The following EDA variants were observed in gnomAD, a reference collection of about 807,000 sequenced individuals.
EDA encodes the protein ectodysplasin A, also known as ectodysplasin-A.
In EDA, 2 loss-of-function variants were observed where a neutral mutation model predicts 23.6. That is an observed-to-expected ratio of 0.08 (90% CI 0.03 to 0.27). EDA has a LOEUF of 0.27. Among genes scored for constraint, EDA ranks in the 10% least tolerant of loss-of-function variants. The probability of loss-of-function intolerance (pLI) is 1.00; values close to 1 mark genes in which losing one functional copy is unlikely to be tolerated. For synonymous variants in EDA, 131 were observed against 132.0 expected, an observed-to-expected ratio of 0.99 and a Z score of 0.05; for missense variants, 229 against 324.2, an observed-to-expected ratio of 0.71 and a Z score of 2.26.
chrX:69,644,230 A>G (rs1452402807), intron 1 of EDA, among the ~76,000 whole-genome samples: 1 of 110,993 alleles, frequency 9.0e-6, no homozygotes, highest in Non-Finnish European at 1.9e-5. Context: ...GATTCTTCCT[A>G]TCCATGAGCA....
In EDA at chrX:69,782,366, T is replaced by TAAAAAA. The variant is rs751293381; in HGVS notation, c.396+165683_396+165688dup. 2.6e-4 allele frequency among the ~76,000 whole-genome samples: 17 copies of TAAAAAA among 65,479 alleles called. 1 individual carries two copies. Among genetic ancestry groups the TAAAAAA allele is most frequent in the African/African-American group, 1.1e-3 (15 of 13,090 alleles). 56.9% of individuals were successfully genotyped at this position (65,479 alleles called of 115,157 possible). On this transcript the variant is annotated intron_variant, in intron 1 of 7. Transcript: ENST00000374552. ...GTAGACAAATAACATTAAATGCTCT[T>TAAAAAA]AAAAAAAAAAAAAAAAAAAAAAAAA...
At chrX:69,919,684 A>G (rs2018397994) in intron 1 of EDA, among the ~76,000 whole-genome samples, 1 of 112,324 alleles carries the variant, frequency 8.9e-6, no homozygotes, top group Non-Finnish European at 1.9e-5. Flanking sequence ...ATAAGGAATC[A>G]TATCTGAAGA....
chrX:69,889,610 CTTTAGCCAATTTTTAATTGT>C (rs1255893813), intron 1 of EDA, among the ~76,000 whole-genome samples: 4 of 111,817 alleles, frequency 3.6e-5, no homozygotes, highest in African/African-American at 1.3e-4. Context: ...TACTCAAATT[CTTTAGCCAATTTTTAATTGT>C]TTTTTGTCAT....
chrX:69,792,475 G>A lies in EDA; in HGVS notation c.397-164552G>A, dbSNP rs112715918. Among the ~76,000 whole-genome samples, 3 of 111,750 alleles carry A rather than the reference G, an allele frequency of 2.7e-5. No homozygotes were observed. In the East Asian group the frequency reaches 8.4e-4, roughly 31 times the overall value. On this transcript the variant is annotated intron_variant, in intron 1 of 7. Transcript: ENST00000374552. ...CATATAATGACTTGTTTTCCTTTGG[G>A]TATATACCCAGTAGTGGGATTGCTG...
chrX:69,651,932 G>A (rs1274892563), intron 1 of EDA, among the ~76,000 whole-genome samples: 1 of 110,581 alleles, frequency 9.0e-6, no homozygotes, highest in Non-Finnish European at 1.9e-5. Flanking sequence ...TTGGTGGTGG[G>A]AAGTGAGGTG....
chrX:69,793,573 T>TTTG (rs2015467473), intron 1 of EDA, among the ~76,000 whole-genome samples: 1 of 86,748 alleles, frequency 1.2e-5, no homozygotes, highest in Non-Finnish European at 2.4e-5. Flanking sequence ...TGTTTTTGTT[T>TTTG]TTTTTTTTTT....
intron 2 of EDA, among the ~76,000 whole-genome samples, chrX:69,996,917 C>T (rs1337697801): frequency 1.8e-5 from 2 of 112,284 alleles, no homozygotes; most frequent in Non-Finnish European, 3.8e-5. Context: ...GTGAGACGTG[C>T]CTTTCACCTT....
intron 1 of EDA, among the ~76,000 whole-genome samples, chrX:69,627,316 C>T (rs1932419156): frequency 9.0e-6 from 1 of 111,407 alleles, no homozygotes; most frequent in Non-Finnish European, 1.9e-5. Context: ...GCCTCTCTCT[C>T]TGCTTCTTAC....
chrX:69,764,297 T>C (rs1432867444), intron 1 of EDA, among the ~76,000 whole-genome samples: 1 of 92,796 alleles, frequency 1.1e-5, no homozygotes, highest in Non-Finnish European at 2.0e-5. Flanking sequence ...GGCTAAAGTA[T>C]AGTGGTCCAA....
At chrX:69,760,500 C>T (rs1363824719) in intron 1 of EDA, among the ~76,000 whole-genome samples, 1 of 111,756 alleles carries the variant, frequency 8.9e-6, no homozygotes, top group Non-Finnish European at 1.9e-5. Flanking sequence ...CATTCCTGCC[C>T]CCTCTCTTGT....
rs1243586409 is a variant in EDA at position 69,732,785 on chromosome X, C to T, written c.396+116081C>T. On this transcript the variant is annotated intron_variant, in intron 1 of 7. Coordinates refer to ENST00000374552, the MANE Select transcript of EDA (RefSeq NM_001399.5). ...TGTTGTTTCCTGACTTTTTAATGAT[C>T]GCCATTCTAACTAGTGTGAGATGGT... Among the ~76,000 whole-genome samples the T allele has an allele frequency of 2.9e-4, 32 of 111,752 alleles. 1 individual carries two copies. Among genetic ancestry groups the T allele is most frequent in the Admixed American group, 2.2e-3 (23 of 10,560 alleles).
intron 1 of EDA, among the ~76,000 whole-genome samples, chrX:69,903,182 C>T (rs1002155362): frequency 2.1e-4 from 23 of 111,128 alleles, no homozygotes; most frequent in Admixed American, 1.5e-3. Flanking sequence ...GTTTTGTTGG[C>T]GTGCTACTTA....
chrX:69,705,126 G>A (rs760041686), intron 1 of EDA, among the ~76,000 whole-genome samples: 1 of 108,413 alleles, frequency 9.2e-6, no homozygotes, highest in Non-Finnish European at 1.9e-5. Context: ...GGGAGGCTGA[G>A]GCAGGAGAAT....
At chrX:69,620,876 A>G (rs760776397) in intron 1 of EDA, 1 of 380,596 alleles carries the variant, frequency 2.6e-6, no homozygotes, top group Non-Finnish European at 5.2e-6. Context: ...AAACAAAGAC[A>G]TTTTCTCTTT....
chrX:69,821,436 G>T (rs1251960885), intron 1 of EDA, among the ~76,000 whole-genome samples: 1 of 111,801 alleles, frequency 8.9e-6, no homozygotes, highest in African/African-American at 3.3e-5. Flanking sequence ...AAATAAAGCT[G>T]TGAGTAGCTA....
chrX:69,749,923 T>A (rs2428153), intron 1 of EDA, among the ~76,000 whole-genome samples: 2 of 39,985 alleles, frequency 5.0e-5, no homozygotes, highest in East Asian at 5.9e-4. Flanking sequence ...ACTAAGGTTC[T>A]TTTTTTTTTT....
chrX:69,805,177 T>A (rs756208601), intron 1 of EDA, among the ~76,000 whole-genome samples: 6 of 111,341 alleles, frequency 5.4e-5, no homozygotes, highest in Non-Finnish European at 7.6e-5. Context: ...CAAATAGAAC[T>A]ACAAGAAATC....
chrX:69,772,572 T>G (rs780394023), intron 1 of EDA, among the ~76,000 whole-genome samples: 1 of 111,620 alleles, frequency 9.0e-6, no homozygotes, highest in South Asian at 3.8e-4. Context: ...GACTGGGGTA[T>G]GATTGATCCT....
At chrX:70,020,776 A>C (rs1238473087) in intron 2 of EDA, among the ~76,000 whole-genome samples, 1 of 111,983 alleles carries the variant, frequency 8.9e-6, no homozygotes, top group Non-Finnish European at 1.9e-5. Flanking sequence ...ATTAAAAATT[A>C]CAATGTAAAA....
Sources: allele counts gnomAD v4.1 joint callset (sites outside exome capture counted in the v4.1 genomes callset), GRCh38; gene constraint gnomAD v4.1.1; transcripts MANE v1.5; gene names NCBI Gene and HGNC (gene_info 2026-07-23, HGNC 2026-07-21).